TP63: variants seen among roughly 807,000 people sequenced by gnomAD.
TP63 encodes the protein tumor protein 63.
TP63 carries 17 observed loss-of-function variants against 82.8 expected under a neutral mutation model. The ratio of observed to expected loss-of-function variants is 0.21; its 90% CI spans 0.14 to 0.31. TP63 has a LOEUF of 0.31. Among genes scored for constraint, TP63 ranks in the 10% least tolerant of loss-of-function variants. The pLI, the probability that TP63 is intolerant of heterozygous loss-of-function variation, is 1.00. For missense variants in TP63, 648 were observed against 895.3 expected (o/e 0.72, Z 3.52); for synonymous variants, 330 against 321.7 (o/e 1.03, Z -0.28).
chr3:189,613,584 T>A, the TP63 span, among the ~76,000 whole-genome samples: 5 of 152,168 alleles, frequency 3.3e-5, no homozygotes, highest in Non-Finnish European at 5.9e-5. Flanking sequence ...CTAGTGGACC[T>A]GTGAGAAGAG....
chr3:189,843,564 A>C (rs991619543), intron 4 of TP63, among the ~76,000 whole-genome samples: 1 of 152,166 alleles, frequency 6.6e-6, no homozygotes, highest in Non-Finnish European at 1.5e-5. Context: ...GGCAGGGAGA[A>C]GTAAATACCT....
chr3:189,820,168 A>C (rs955712495), intron 4 of TP63, among the ~76,000 whole-genome samples: 1 of 152,232 alleles, frequency 6.6e-6, no homozygotes, highest in African/African-American at 2.4e-5. Context: ...TAATTTAGCA[A>C]ACATTAACTC....
At chr3:189,720,879 A>G (rs1719340353) in intron 1 of TP63, among the ~76,000 whole-genome samples, 1 of 152,182 alleles carries the variant, frequency 6.6e-6, no homozygotes, top group African/African-American at 2.4e-5. Flanking sequence ...GCAAACAAAG[A>G]GAAGGCTCCC....
chr3:189,684,151 T>A lies in TP63; in HGVS notation c.62+52574T>A, dbSNP rs559392552. 8.5e-5 allele frequency among the ~76,000 whole-genome samples: 13 copies of A among 152,322 alleles called. No individual in the cohort carries two copies. In the East Asian group the frequency reaches 2.5e-3, roughly 29 times the overall value. ...ACAGAGATTACTCAAAAGAAATACT[T>A]TCCTTTCATTCTTTATTCTTTAATT... On this transcript the variant is annotated intron_variant, in intron 1 of 13. Coordinates refer to ENST00000264731, the MANE Select transcript of TP63 (RefSeq NM_003722.5).
At chr3:189,643,533 T>C (rs1350560970) in intron 1 of TP63, among the ~76,000 whole-genome samples, 2 of 152,104 alleles carry the variant, frequency 1.3e-5, no homozygotes, top group Non-Finnish European at 2.9e-5. Flanking sequence ...CCAATTTCTG[T>C]TACTGAAATT....
chr3:189,621,017 G>A, the TP63 span, among the ~76,000 whole-genome samples: 1 of 152,148 alleles, frequency 6.6e-6, no homozygotes, highest in East Asian at 1.9e-4. Flanking sequence ...AGTTTTTATA[G>A]GGTAGAACCA....
intron 3 of TP63, among the ~76,000 whole-genome samples, chr3:189,799,809 A>T (rs1726096077): frequency 6.6e-6 from 1 of 152,088 alleles, no homozygotes; most frequent in Admixed American, 6.5e-5. Flanking sequence ...CAGACTCAGG[A>T]TAAAATAAAT....
chr3:189,681,578 C>G (rs1235668892), intron 1 of TP63, among the ~76,000 whole-genome samples: 1 of 152,132 alleles, frequency 6.6e-6, no homozygotes. Flanking sequence ...TATTTCAGCT[C>G]ACGTGCTCCA....
chr3:189,691,338 CAAAAAAA>C (rs781098833), intron 1 of TP63, among the ~76,000 whole-genome samples: 5 of 67,116 alleles, frequency 7.4e-5, no homozygotes, highest in South Asian at 1.3e-3. Flanking sequence ...GACTCCATCT[CAAAAAAA>C]AAAAAAAAAA....
chr3:189,804,529 T>G lies in TP63; in HGVS notation c.325-3743T>G, dbSNP rs188316993. Among the ~76,000 whole-genome samples the G allele has an allele frequency of 1.7e-3, 257 of 152,354 alleles. 4 individuals carry two copies. Among genetic ancestry groups the G allele is most frequent in the Admixed American group, 0.016 (241 of 15,306 alleles). On this transcript the variant is annotated intron_variant, in intron 3 of 13. Transcript: ENST00000264731. ...TTTGCTGGACCTGTCTGGGTGACACTTGTTCTTCTTGACTATAATGGCCAG... is the reference window on the plus strand; with the variant it reads ...TTTGCTGGACCTGTCTGGGTGACACGTGTTCTTCTTGACTATAATGGCCAG...
At chr3:189,691,338 C>CAAAAAAAAAAAAAGAAAA in intron 1 of TP63, among the ~76,000 whole-genome samples, 1 of 67,112 alleles carries the variant, frequency 1.5e-5, no homozygotes, top group Non-Finnish European at 2.8e-5. Context: ...GACTCCATCT[C>CAAAAAAAAAAAAAGAAAA]AAAAAAAAAA....
intron 3 of TP63, among the ~76,000 whole-genome samples, chr3:189,803,672 T>G (rs1726560814): frequency 1.3e-5 from 2 of 152,200 alleles, no homozygotes; most frequent in South Asian, 4.1e-4. Context: ...CTTCATCCTT[T>G]CTGTGATCAG....
intron 4 of TP63, among the ~76,000 whole-genome samples, chr3:189,834,964 T>G (rs1230574948): frequency 6.6e-6 from 1 of 151,160 alleles, no homozygotes; most frequent in African/African-American, 2.4e-5. Flanking sequence ...CTGGGTCATA[T>G]GTCTCTAAAC....
Position 189,808,539 on chromosome 3 carries a change from G to A in TP63, c.579+13G>A, listed in dbSNP as rs1727182494. ...GGCCACCTGGACGGTAAGAGCAGCG[G>A]GCACGCACATACCTGACCCCCCAAG... On this transcript the variant is annotated intron_variant, in intron 4 of 13. Coordinates refer to ENST00000264731, the MANE Select transcript of TP63 (RefSeq NM_003722.5). 2 of 1,612,844 alleles carry A rather than the reference G, an allele frequency of 1.2e-6. No individual in the cohort carries two copies. Among genetic ancestry groups the A allele is most frequent in the African/African-American group, 1.3e-5 (1 of 74,934 alleles).
chr3:189,777,839 C>CT (rs1723922139), intron 3 of TP63, among the ~76,000 whole-genome samples: 1 of 80,422 alleles, frequency 1.2e-5, no homozygotes, highest in Non-Finnish European at 2.4e-5. Context: ...TCTTCTTCTT[C>CT]TTCTTCTTTT....
the TP63 span, among the ~76,000 whole-genome samples, chr3:189,621,165 T>C: frequency 3.3e-5 from 5 of 152,174 alleles, no homozygotes; most frequent in Non-Finnish European, 5.9e-5. Context: ...TACAGAAAAG[T>C]ATAAAGAAGA....
At position 189,738,705 on chromosome 3, in the gene TP63, G is replaced by A. The variant is rs368463552; in HGVS notation, c.255G>A (p.Ala85=). Residue 85 remains alanine, a synonymous_variant, in exon 3 of 14, where the codon GCG becomes GCA. Coordinates refer to ENST00000264731, the MANE Select transcript of TP63 (RefSeq NM_003722.5). ...NFVDEPSEDG[A]TNKIEISMDC... ...TGGATGAACCATCAGAAGATGGTGC[G>A]ACAAACAAGATTGAGATTAGCATGG... The A allele has an allele frequency of 2.4e-5, 38 of 1,613,960 alleles. No individual in the cohort carries two copies. The highest frequency in any genetic ancestry group is 1.5e-4 in the African/African-American group (11 of 74,896).
chr3:189,760,213 A>G (rs1722467316), intron 3 of TP63, among the ~76,000 whole-genome samples: 1 of 152,150 alleles, frequency 6.6e-6, no homozygotes, highest in African/African-American at 2.4e-5. Flanking sequence ...TGCCTTCCCA[A>G]CAGTCCCCCA....
intron 1 of TP63, among the ~76,000 whole-genome samples, chr3:189,733,307 A>T (rs1320465060): frequency 1.3e-5 from 2 of 151,830 alleles, no homozygotes; most frequent in Admixed American, 6.5e-5. Flanking sequence ...TCTATGTAAC[A>T]CTCTTTTCTG....
Sources: allele counts gnomAD v4.1 joint callset (sites outside exome capture counted in the v4.1 genomes callset), GRCh38; gene constraint gnomAD v4.1.1; transcripts MANE v1.5; gene names NCBI Gene and HGNC (gene_info 2026-07-23, HGNC 2026-07-21).